The following CLASP1 variants were observed in gnomAD, a reference collection of about 807,000 sequenced individuals.
The protein encoded by CLASP1 is CLIP-associating protein 1.
Under a neutral mutation model 192.3 loss-of-function variants are expected in CLASP1, and 38 were observed. That is an observed-to-expected ratio of 0.20 (90% CI 0.15 to 0.26). The LOEUF is 0.26. Ranked by LOEUF, CLASP1 falls within the 10% of genes least tolerant of loss-of-function variation. The probability of loss-of-function intolerance (pLI) is 1.00; values close to 1 mark genes in which losing one functional copy is unlikely to be tolerated. For missense variants in CLASP1, 1,433 were observed against 1,932.5 expected (o/e 0.74, Z 4.85); for synonymous variants, 691 against 712.8 (o/e 0.97, Z 0.49).
intron 1 of CLASP1, among the ~76,000 whole-genome samples, chr2:121,639,520 G>A (rs1463122215): frequency 6.6e-6 from 1 of 152,080 alleles, no homozygotes; most frequent in African/African-American, 2.4e-5. Context: ...TATGGCAATG[G>A]TGGCACAATA....
intron 2 of CLASP1, among the ~76,000 whole-genome samples, chr2:121,583,450 T>C (rs1057087764): frequency 2.0e-5 from 3 of 152,218 alleles, no homozygotes; most frequent in African/African-American, 7.2e-5. Context: ...AATGCATATA[T>C]AAAAACCTGA....
rs142335451 is a variant in CLASP1, at chr2:121,397,710, A to G, written c.2980-427T>C. Among the ~76,000 whole-genome samples the G allele has an allele frequency of 1.3e-4, 20 of 152,316 alleles. No individual in the cohort carries two copies. In the East Asian group the frequency reaches 3.5e-3, roughly 26 times the overall value. ...GTAATCAAGCTGATGCTCTGTCCTA[A>G]CTTCACCATCAACTTCTCAACTAGC... On this transcript the variant is annotated intron_variant, in intron 29 of 39. Transcript: ENST00000263710.
At chr2:121,454,459 T>TC (rs1178159371) in intron 14 of CLASP1, among the ~76,000 whole-genome samples, 1 of 152,184 alleles carries the variant, frequency 6.6e-6, no homozygotes, top group Non-Finnish European at 1.5e-5. Flanking sequence ...GCCAGGGGTA[T>TC]CCAATCTTTT....
chr2:121,385,488 T>A (rs190454119), intron 32 of CLASP1, among the ~76,000 whole-genome samples: 2 of 152,328 alleles, frequency 1.3e-5, no homozygotes, highest in South Asian at 4.1e-4. Flanking sequence ...GAAGGAATAA[T>A]GACCTTGAAA....
intron 8 of CLASP1, among the ~76,000 whole-genome samples, chr2:121,491,397 AT>A (rs2150150298): frequency 6.6e-6 from 1 of 152,300 alleles, no homozygotes; most frequent in South Asian, 2.1e-4. Context: ...AAGCATGTGT[AT>A]TTTTTAACCA....
At chr2:121,538,763 C>A (rs1363549761) in intron 2 of CLASP1, among the ~76,000 whole-genome samples, 3 of 148,958 alleles carry the variant, frequency 2.0e-5, no homozygotes, top group African/African-American at 7.4e-5. Context: ...CCAGCCTGGG[C>A]GACAGAGCAA....
intron 2 of CLASP1, among the ~76,000 whole-genome samples, chr2:121,533,226 G>C (rs1014474817): frequency 6.6e-6 from 1 of 152,162 alleles, no homozygotes; most frequent in Non-Finnish European, 1.5e-5. Flanking sequence ...GAGCCCCAGA[G>C]AAATAGGACA....
At chr2:121,428,681 ACTGCAT>A (rs2080875838) in intron 20 of CLASP1, among the ~76,000 whole-genome samples, 1 of 152,168 alleles carries the variant, frequency 6.6e-6, no homozygotes. Flanking sequence ...TCTATCCTGA[ACTGCAT>A]CCCTCATCAT....
intron 1 of CLASP1, among the ~76,000 whole-genome samples, chr2:121,648,027 A>C (rs1291337907): frequency 6.6e-6 from 1 of 152,252 alleles, no homozygotes; most frequent in Non-Finnish European, 1.5e-5. Context: ...CAAAATTTAA[A>C]TTTCTTAACA....
At chr2:121,480,207 C>A (rs758131108) in intron 8 of CLASP1, among the ~76,000 whole-genome samples, 1 of 152,134 alleles carries the variant, frequency 6.6e-6, no homozygotes, top group Non-Finnish European at 1.5e-5. Context: ...GGGACGACAC[C>A]GGGGAAAGAC....
intron 2 of CLASP1, among the ~76,000 whole-genome samples, chr2:121,562,528 G>A (rs1291983091): frequency 6.6e-6 from 1 of 152,146 alleles, no homozygotes; most frequent in Non-Finnish European, 1.5e-5. Flanking sequence ...CTCCAACACT[G>A]AGAGTCCTAT....
chr2:121,354,070 C>T (rs1433116406), intron 37 of CLASP1, among the ~76,000 whole-genome samples: 3 of 152,348 alleles, frequency 2.0e-5, no homozygotes, highest in Middle Eastern at 3.4e-3. Flanking sequence ...TGAACCACTA[C>T]ACCCAGGCCA....
chr2:121,455,746 C>T (rs1229553840), intron 14 of CLASP1, among the ~76,000 whole-genome samples: 1 of 152,160 alleles, frequency 6.6e-6, no homozygotes, highest in Non-Finnish European at 1.5e-5. Flanking sequence ...CCTATGGTCT[C>T]AGCTACTTGG....
At chr2:121,384,157 CAT>C (rs767348636) in intron 32 of CLASP1, among the ~76,000 whole-genome samples, 2,568 of 129,130 alleles carry the variant, frequency 0.02, 34 homozygotes, top group African/African-American at 0.05. Flanking sequence ...CACACACACA[CAT>C]ATATATATAT....
At chr2:121,363,332 A>G (rs1194233262) in intron 36 of CLASP1, 32 bp from the exon 38 acceptor site, 5 of 1,611,374 alleles carry the variant, frequency 3.1e-6, no homozygotes, top group East Asian at 2.2e-5. Context: ...AGACATCACC[A>G]AACACCACAC....
intron 2 of CLASP1, among the ~76,000 whole-genome samples, chr2:121,552,255 C>T (rs532569306): frequency 2.0e-5 from 3 of 152,284 alleles, no homozygotes; most frequent in East Asian, 3.9e-4. Flanking sequence ...ACAACCTAAG[C>T]AATACCATCC....
chr2:121,605,984 G>T, exon 2 of CLASP1: 2 of 1,146,028 alleles, frequency 1.7e-6, no homozygotes, highest in Non-Finnish European at 2.5e-6. Flanking sequence ...TTGCCTCTTT[G>T]TTCGCTGAAG....
At chr2:121,482,446 A>G (rs972180207) in intron 8 of CLASP1, among the ~76,000 whole-genome samples, 8 of 152,312 alleles carry the variant, frequency 5.3e-5, no homozygotes, top group Middle Eastern at 6.8e-3. Flanking sequence ...TGCCTTCCTC[A>G]GAGAAAAGAA....
chr2:121,555,338 G>T (rs2058448817), intron 2 of CLASP1, among the ~76,000 whole-genome samples: 1 of 152,192 alleles, frequency 6.6e-6, no homozygotes, highest in Non-Finnish European at 1.5e-5. Flanking sequence ...GACAGAAGTT[G>T]TGTTTCCAGC....
Sources: gnomAD v4.1 joint callset for allele counts (sites outside exome capture counted in the v4.1 genomes callset) on GRCh38, gnomAD v4.1.1 for gene constraint, MANE v1.5 for transcripts, NCBI Gene and HGNC (gene_info 2026-07-23, HGNC 2026-07-21) for gene names.